Variants in DISC1 observed in about 807,000 individuals in gnomAD.
The protein encoded by DISC1 is disrupted in schizophrenia 1 protein.
DISC1 carries 57 observed loss-of-function variants against 84.5 expected under a neutral mutation model. The ratio of observed to expected loss-of-function variants is 0.67; its 90% confidence interval spans 0.55 to 0.84. DISC1 has a LOEUF of 0.84. Ranked by LOEUF, DISC1 falls within the 40% of genes least tolerant of loss-of-function variation. The pLI, the probability that DISC1 is intolerant of heterozygous loss-of-function variation, is 0.00. For missense variants in DISC1, 1,000 were observed against 1,057.8 expected, an observed-to-expected ratio of 0.95 and a Z score of 0.76; for synonymous variants, 411 against 415.2, an observed-to-expected ratio of 0.99 and a Z score of 0.12.
At chr1:231,891,088 C>T (rs1353583914) in intron 9 of DISC1, among the ~76,000 whole-genome samples, 3 of 152,148 alleles carry the variant, frequency 2.0e-5, no homozygotes, top group Admixed American at 2.0e-4. Context: ...GAAGGCTAAA[C>T]CCTGCCTTCT....
At chr1:231,966,806 G>T (rs1161394719) in intron 10 of DISC1, among the ~76,000 whole-genome samples, 1 of 152,180 alleles carries the variant, frequency 6.6e-6, no homozygotes, top group Non-Finnish European at 1.5e-5. Context: ...AGCACTTAGT[G>T]GATTATAGCT....
At position 231,798,113 on chromosome 1, in the gene DISC1, C is replaced by CCACACACACACACACACACA. The variant is rs113265676; in HGVS notation, c.1690-1992_1690-1973dup. Among the ~76,000 whole-genome samples, 125 of 147,182 alleles carry CCACACACACACACACACACA rather than the reference C, an allele frequency of 8.5e-4. 1 individual carries two copies. The highest frequency in any genetic ancestry group is 2.1e-3 in the Admixed American group (31 of 14,656). ...TTCTTTCTCTAGTGTGTTAGACACA[C>CCACACACACACACACACACA]CACACACACACACACACACACATAC... On this transcript the variant is annotated intron_variant, in intron 7 of 12. Transcript: ENST00000439617.
intron 1 of DISC1, among the ~76,000 whole-genome samples, chr1:231,682,650 T>A (rs1279709347): frequency 6.6e-6 from 1 of 152,186 alleles, no homozygotes; most frequent in South Asian, 2.1e-4. Flanking sequence ...ATATACATGT[T>A]TTTTTTAGAT....
At chr1:231,653,958 A>G (rs944111907) in intron 1 of DISC1, among the ~76,000 whole-genome samples, 2 of 152,226 alleles carry the variant, frequency 1.3e-5, no homozygotes, top group Non-Finnish European at 2.9e-5. Flanking sequence ...CACAGGCCCA[A>G]AGCAACAATG....
intron 9 of DISC1, chr1:231,925,708 A>G (rs1265744253): frequency 6.6e-6 from 1 of 152,176 alleles, no homozygotes; most frequent in Non-Finnish European, 1.5e-5. Flanking sequence ...AAATCCAATG[A>G]TTAGTATTTT....
intron 9 of DISC1, among the ~76,000 whole-genome samples, chr1:231,836,391 A>G (rs962601657): frequency 6.6e-6 from 1 of 152,162 alleles, no homozygotes; most frequent in Non-Finnish European, 1.5e-5. Context: ...TCCTGGAAGG[A>G]TGCCAGATAG....
At chr1:231,687,388 A>G (rs1286649015) in intron 1 of DISC1, among the ~76,000 whole-genome samples, 1 of 152,126 alleles carries the variant, frequency 6.6e-6, no homozygotes, top group Non-Finnish European at 1.5e-5. Flanking sequence ...AGCAAGAGAA[A>G]ATGAGGAAGA....
At chr1:232,001,031 T>G (rs891411666) in intron 10 of DISC1, among the ~76,000 whole-genome samples, 1 of 152,132 alleles carries the variant, frequency 6.6e-6, no homozygotes, top group Non-Finnish European at 1.5e-5. Flanking sequence ...TGTATTATGG[T>G]GATTGAGACA....
intron 10 of DISC1, among the ~76,000 whole-genome samples, chr1:231,968,379 G>T (rs559497683): frequency 6.6e-6 from 1 of 151,850 alleles, no homozygotes; most frequent in Non-Finnish European, 1.5e-5. Context: ...CATGGGAGGC[G>T]GAGGCAACTC....
intron 1 of DISC1, among the ~76,000 whole-genome samples, chr1:231,642,184 C>A (rs1031209183): frequency 6.6e-6 from 1 of 152,158 alleles, no homozygotes; most frequent in Non-Finnish European, 1.5e-5. Context: ...CCGGCGGGGC[C>A]GGCCGGCCAC....
At chr1:231,723,020 C>T in intron 3 of DISC1, 1 of 1,102,634 alleles carries the variant, frequency 9.1e-7, no homozygotes, top group Non-Finnish European at 1.1e-6. Context: ...ATGAAGGAAT[C>T]ATTTTCCCCT....
At chr1:231,940,771 C>T (rs2091278981) in intron 9 of DISC1, among the ~76,000 whole-genome samples, 1 of 152,158 alleles carries the variant, frequency 6.6e-6, no homozygotes, top group East Asian at 1.9e-4. Flanking sequence ...TTAGCATTAC[C>T]CCAAATACAA....
chr1:231,862,407 A>T (rs1213998167), intron 9 of DISC1, among the ~76,000 whole-genome samples: 1 of 152,220 alleles, frequency 6.6e-6, no homozygotes, highest in Admixed American at 6.5e-5. Context: ...AGAAATGACT[A>T]CTTCGATGGT....
In DISC1 at chr1:231,800,131, C is replaced by T. The variant is rs1365720225; in HGVS notation, c.1713C>T (p.Cys571=). 3 of 1,611,222 alleles carry T rather than the reference C, an allele frequency of 1.9e-6. No homozygotes were observed. Among genetic ancestry groups the T allele is most frequent in the Non-Finnish European group, 2.5e-6 (3 of 1,179,488 alleles). ...TTKVCMSEKF[C]STLRKKVNDI... ...AGGTGTGTATGAGTGAGAAATTCTG[C>T]AGCACCCTGAGGAAGAAAGTTAACG... Residue 571 remains cysteine (C), a synonymous_variant, in exon 8 of 13, where the codon TGC becomes TGT. Coordinates refer to ENST00000439617, the MANE Select transcript of DISC1 (RefSeq NM_018662.3).
chr1:231,654,514 G>A (rs191193447), intron 1 of DISC1, among the ~76,000 whole-genome samples: 1 of 152,096 alleles, frequency 6.6e-6, no homozygotes, highest in East Asian at 1.9e-4. Context: ...GAAATATATT[G>A]CATTATTATT....
chr1:232,011,957 T>C (rs1022898011), intron 11 of DISC1, among the ~76,000 whole-genome samples: 7 of 152,136 alleles, frequency 4.6e-5, no homozygotes, highest in African/African-American at 1.4e-4. Flanking sequence ...TCCACATCTG[T>C]TAAGAAAAAC....
At chr1:231,938,074 A>T (rs2091091446) in intron 9 of DISC1, among the ~76,000 whole-genome samples, 1 of 151,970 alleles carries the variant, frequency 6.6e-6, no homozygotes, top group Admixed American at 6.6e-5. Context: ...TTCTGTCCCC[A>T]GCTGGGTTTT....
At chr1:231,847,386 T>C (rs1258165494) in intron 9 of DISC1, among the ~76,000 whole-genome samples, 1 of 152,128 alleles carries the variant, frequency 6.6e-6, no homozygotes, top group Admixed American at 6.6e-5. Context: ...ATTCAACATA[T>C]AAGTTTTGGG....
At chr1:231,683,757 C>G (rs1292558288) in intron 1 of DISC1, among the ~76,000 whole-genome samples, 1 of 151,752 alleles carries the variant, frequency 6.6e-6, no homozygotes, top group Non-Finnish European at 1.5e-5. Context: ...GTGTTTCCAC[C>G]TCTCTGTGGC....
Sources: gnomAD v4.1 joint callset for allele counts (sites outside exome capture counted in the v4.1 genomes callset) on GRCh38, gnomAD v4.1.1 for gene constraint, MANE v1.5 for transcripts, NCBI Gene and HGNC (gene_info 2026-07-23, HGNC 2026-07-21) for gene names.